C4orf50: variants seen among roughly 807,000 people sequenced by gnomAD.
C4orf50 encodes the protein chromosome 4 open reading frame 50, also known as uncharacterized protein C4orf50.
Under a neutral mutation model 77.2 loss-of-function variants are expected in C4orf50, and 80 were observed. The observed-to-expected ratio is 1.04, with a 90% CI of 0.87 to 1.25. C4orf50 has a LOEUF of 1.25. C4orf50 is among the 50% of genes most tolerant of loss of function. The pLI is 0.00. For synonymous variants in C4orf50, 532 were observed against 465.3 expected, an observed-to-expected ratio of 1.14 and a Z score of -1.84; for missense variants, 1,257 against 1,152.9, an observed-to-expected ratio of 1.09 and a Z score of -1.31.
chr4:5,946,041 C>T (rs1444591232), intron 7 of C4orf50, among the ~76,000 whole-genome samples: 1 of 152,200 alleles, frequency 6.6e-6, no homozygotes, highest in Non-Finnish European at 1.5e-5. Context: ...GTAGGTCTGG[C>T]AGAGGCCAGG....
At chr4:5,998,510 G>T (rs1721694680) in intron 25 of C4orf50, among the ~76,000 whole-genome samples, 1 of 152,186 alleles carries the variant, frequency 6.6e-6, no homozygotes, top group African/African-American at 2.4e-5. Context: ...GCCACCAGGG[G>T]TCACTCTACG....
intron 7 of C4orf50, among the ~76,000 whole-genome samples, chr4:5,918,657 T>C (rs1241210171): frequency 6.6e-6 from 1 of 152,226 alleles, no homozygotes; most frequent in Non-Finnish European, 1.5e-5. Flanking sequence ...GTGGGGCTTG[T>C]AAATTGACTT....
intron 7 of C4orf50, among the ~76,000 whole-genome samples, chr4:5,938,178 T>C (rs780444845): frequency 2.0e-5 from 3 of 152,178 alleles, no homozygotes; most frequent in South Asian, 2.1e-4. Flanking sequence ...ATCTTGGAAA[T>C]AGAGCAAGCC....
Position 5,993,043 on chromosome 4 carries a change from C to T in C4orf50, c.1094-113G>A, listed in dbSNP as rs576170911. On this transcript the variant is annotated intron_variant, in intron 26 of 33. Coordinates refer to ENST00000531445, the Ensembl canonical transcript of C4orf50. Reference sequence around the variant, plus strand: ...GGGTAAGATGGCACCCCCCCCACCCCCGACTGTGAGCCTCCCAAGGGCAGC... The same window carrying T: ...GGGTAAGATGGCACCCCCCCCACCCTCGACTGTGAGCCTCCCAAGGGCAGC... The T allele has an allele frequency of 1.2e-4, 48 of 397,016 alleles. 1 individual carries two copies. Among genetic ancestry groups the T allele is most frequent in the African/African-American group, 9.0e-4 (44 of 48,702 alleles). 24.6% of individuals were successfully genotyped at this position (397,016 alleles called of 1,614,324 possible).
chr4:5,899,148 T>C (rs1471954080), intron 7 of C4orf50: 1 of 152,214 alleles, frequency 6.6e-6, no homozygotes, highest in Non-Finnish European at 1.5e-5. Flanking sequence ...GATCTTTTCC[T>C]TCTACACCAC....
intron 7 of C4orf50, among the ~76,000 whole-genome samples, chr4:5,913,326 C>T (rs1457079605): frequency 6.6e-6 from 1 of 152,152 alleles, no homozygotes; most frequent in Admixed American, 6.5e-5. Context: ...GAGGAGGAGG[C>T]CGTGTCTCTA....
chr4:5,956,342 C>T (rs1718956637), downstream of C4orf50, among the ~76,000 whole-genome samples: 1 of 152,204 alleles, frequency 6.6e-6, no homozygotes, highest in Non-Finnish European at 1.5e-5. Flanking sequence ...CTCCAGGAAG[C>T]CCTCCCTGAC....
chr4:5,988,773 G>C, exon 28 of C4orf50: 1 of 1,536,096 alleles, frequency 6.5e-7, no homozygotes, highest in Non-Finnish European at 8.7e-7. Context: ...TGCGTAGAAG[G>C]TGCTCGTTCT....
At chr4:5,948,718 C>T (rs572854360) in intron 7 of C4orf50, among the ~76,000 whole-genome samples, 19 of 151,254 alleles carry the variant, frequency 1.3e-4, no homozygotes, top group African/African-American at 3.4e-4. Flanking sequence ...TTGCTTGAAC[C>T]GGGAGGCAGA....
rs1718589700 is a variant in C4orf50 at position 5,948,666 on chromosome 4, GCA to G, written c.*2474+8233_*2474+8234del. On this transcript the variant is annotated intron_variant, in intron 7 of 7. Coordinates refer to the C4orf50 transcript ENST00000324058. The stretch of plus-strand genomic sequence containing the variant: ...AAAAATTAGCCGGGTGTGGTGCCAT[GCA>G]CCTGTAGTCCCAGCTACTCAGGAGG... 3.3e-5 allele frequency among the ~76,000 whole-genome samples: 5 copies of G among 152,270 alleles called. No homozygotes were observed. The South Asian group carries it at 1.0e-3, about 32-fold the overall frequency.
chr4:5,943,687 T>A (rs1230267882), intron 7 of C4orf50, among the ~76,000 whole-genome samples: 1 of 152,192 alleles, frequency 6.6e-6, no homozygotes. Flanking sequence ...TACTTTTGAG[T>A]GTCTCGGCTA....
At chr4:5,968,446 C>T (rs1161783180) in intron 31 of C4orf50, among the ~76,000 whole-genome samples, 1 of 152,190 alleles carries the variant, frequency 6.6e-6, no homozygotes, top group African/African-American at 2.4e-5. Context: ...ACCAGCACTC[C>T]TGGGAGGCTT....
chr4:5,970,897 G>A lies in C4orf50; in HGVS notation c.4104+2762C>T, dbSNP rs1004579625. ...TGGAGTAAGCAGATCCATGGAGAGC[G>A]TGCGAGGGGGAGGGCAGCATGAGTC... On this transcript the variant is annotated intron_variant, in intron 31 of 33. Coordinates refer to ENST00000531445, the Ensembl canonical transcript of C4orf50. The surrounding 1 kb of genome is among the most constrained non-coding windows in gnomAD (Gnocchi z 4.3). Among the ~76,000 whole-genome samples, 11 of 152,284 alleles carry A rather than the reference G, an allele frequency of 7.2e-5. 1 individual carries two copies. In the South Asian group the frequency reaches 1.0e-3, roughly 14 times the overall value.
chr4:5,932,931 C>A lies in C4orf50; in HGVS notation c.*2474+23970G>T, dbSNP rs958153430. Among the ~76,000 whole-genome samples, 32 of 152,186 alleles carry A rather than the reference C, an allele frequency of 2.1e-4. No individual in the cohort carries two copies. Among genetic ancestry groups the A allele is most frequent in the Non-Finnish European group, 4.1e-4 (28 of 68,036 alleles). On this transcript the variant is annotated intron_variant, in intron 7 of 7. Coordinates refer to the C4orf50 transcript ENST00000324058. The surrounding 1 kb of genome is among the most constrained non-coding windows in gnomAD (Gnocchi z 4.2). Reference sequence around the variant, plus strand: ...TGCAGCTCCTGGCATACAGCAGCCACTCAATAAATGGCGGAAACCATATTA... The same window carrying A: ...TGCAGCTCCTGGCATACAGCAGCCAATCAATAAATGGCGGAAACCATATTA...
At chr4:5,982,541 AG>A (rs1720648622) in intron 28 of C4orf50, among the ~76,000 whole-genome samples, 1 of 152,310 alleles carries the variant, frequency 6.6e-6, no homozygotes, top group South Asian at 2.1e-4. Flanking sequence ...GATGACCTGA[AG>A]GGGGCACTGA....
intron 7 of C4orf50, chr4:5,904,752 A>G (rs11731294): frequency 0.39 from 59,396 of 152,070 alleles, 14,492 homozygotes; most frequent in East Asian, 0.74. Context: ...CATGCATACA[A>G]CTTTTTGTGC....
In C4orf50 at chr4:5,992,624, C is replaced by T. The variant is rs1721352508; in HGVS notation, c.1221+179G>A. 6.6e-6 allele frequency among the ~76,000 whole-genome samples: 1 copy of T among 151,900 alleles called. No homozygotes were observed. Among genetic ancestry groups the T allele is most frequent in the African/African-American group, 2.4e-5 (1 of 41,376 alleles). On this transcript the variant is annotated intron_variant, in intron 27 of 33. Coordinates refer to ENST00000531445, the Ensembl canonical transcript of C4orf50. This position sits in a 1 kb window ranked among gnomAD's most constrained non-coding sequence, Gnocchi z 5.0. ...CTTCCTCCCCACCCCCCATCCAGGTCTCAGGATGTTTCATTTCCTCTCCTC... is the reference window on the plus strand; with the variant it reads ...CTTCCTCCCCACCCCCCATCCAGGTTTCAGGATGTTTCATTTCCTCTCCTC...
At chr4:5,990,017 C>T in exon 28 of C4orf50, 1 of 1,386,730 alleles carries the variant, frequency 7.2e-7, no homozygotes, top group South Asian at 1.9e-5. Context: ...TCTTTGGTCT[C>T]ATGAGCCCTG....
At chr4:5,957,207 C>T (rs1423452769) in exon 34 of C4orf50, 1 of 152,238 alleles carries the variant, frequency 6.6e-6, no homozygotes, top group Non-Finnish European at 1.5e-5. Context: ...CCTTTCTGCC[C>T]AGGCCCAGCA....
Sources: gnomAD v4.1 joint callset for allele counts (sites outside exome capture counted in the v4.1 genomes callset) on GRCh38, gnomAD v4.1.1 for gene constraint, Gnocchi (gnomAD v3.1) non-coding constraint, MANE v1.5 for transcripts, NCBI Gene and HGNC (gene_info 2026-07-23, HGNC 2026-07-21) for gene names.